ZGRF1: variants seen among roughly 807,000 people sequenced by gnomAD.
The protein encoded by ZGRF1 is 5'-3' DNA helicase ZGRF1.
Under a neutral mutation model 203.5 loss-of-function variants are expected in ZGRF1, and 196 were observed. The ratio of observed to expected loss-of-function variants is 0.96; its 90% CI spans 0.86 to 1.08. The LOEUF is 1.08. Among genes scored for constraint, ZGRF1 ranks in the 50% least tolerant of loss-of-function variants. ZGRF1 has a pLI of 0.00. For synonymous variants in ZGRF1, 809 were observed against 841.3 expected, an observed-to-expected ratio of 0.96 and a Z score of 0.66; for missense variants, 2,326 against 2,416.3, an observed-to-expected ratio of 0.96 and a Z score of 0.78.
chr4:112,625,719 A>C (rs940403701), intron 3 of ZGRF1, among the ~76,000 whole-genome samples: 4 of 151,884 alleles, frequency 2.6e-5, no homozygotes, highest in African/African-American at 9.7e-5. Context: ...CAACACGGAG[A>C]AACCCCGTCT....
intron 20 of ZGRF1, among the ~76,000 whole-genome samples, chr4:112,557,661 T>G (rs1211411678): frequency 6.6e-6 from 1 of 151,976 alleles, no homozygotes; most frequent in African/African-American, 2.4e-5. Flanking sequence ...GGTTGAGGAG[T>G]AGGGCAAGAA....
chr4:112,554,539 T>TCG (rs1345205679), intron 21 of ZGRF1, among the ~76,000 whole-genome samples, 166 bp downstream of exon 21: 1 of 152,124 alleles, frequency 6.6e-6, no homozygotes, highest in African/African-American at 2.4e-5. Flanking sequence ...GGGACATGGA[T>TCG]GAAGCTGGAA....
At chr4:112,583,727 C>A (rs1402611421) in intron 15 of ZGRF1, among the ~76,000 whole-genome samples, 1 of 151,864 alleles carries the variant, frequency 6.6e-6, no homozygotes, top group Non-Finnish European at 1.5e-5. Flanking sequence ...GAGCTTCAGC[C>A]CAGGAGTTGA....
chr4:112,558,383 A>T, intron 19 of ZGRF1, 74 bp from the exon 20 acceptor site: 2 of 1,267,928 alleles, frequency 1.6e-6, no homozygotes, highest in African/African-American at 1.6e-5. Flanking sequence ...CTTTTTCTTG[A>T]GACAGAGTCT....
chr4:112,629,876 AG>A, intron 3 of ZGRF1: 1 of 253,848 alleles, frequency 3.9e-6, no homozygotes. Flanking sequence ...AAAATTAGCC[AG>A]GCATGGTGGT....
At chr4:112,632,095 A>G (rs1464742934) in intron 2 of ZGRF1, 85 bp from the exon 3 acceptor site, 1 of 578,356 alleles carries the variant, frequency 1.7e-6, no homozygotes, top group Non-Finnish European at 2.6e-6. Flanking sequence ...TACATACAAA[A>G]TATATTTAAG....
intron 24 of ZGRF1, among the ~76,000 whole-genome samples, chr4:112,543,203 C>A (rs1199647470): frequency 6.6e-6 from 1 of 152,042 alleles, no homozygotes; most frequent in Non-Finnish European, 1.5e-5. Flanking sequence ...TAAAATATGA[C>A]ATATATAGCT....
chr4:112,633,110 C>G (rs781186051), intron 2 of ZGRF1, 46 bp downstream of exon 2: 1 of 1,556,628 alleles, frequency 6.4e-7, no homozygotes, highest in East Asian at 2.2e-5. Flanking sequence ...AAGAAAGAGA[C>G]AGAGGAAGGG....
intron 11 of ZGRF1, among the ~76,000 whole-genome samples, chr4:112,589,216 C>A (rs1747731972): frequency 6.6e-6 from 1 of 152,030 alleles, no homozygotes; most frequent in African/African-American, 2.4e-5. Flanking sequence ...GTATTATATT[C>A]ATCAAGAAGC....
At chr4:112,547,530 T>A (rs548378487) in intron 23 of ZGRF1, 122 bp from the exon 24 acceptor site, 2 of 851,032 alleles carry the variant, frequency 2.4e-6, no homozygotes, top group African/African-American at 1.7e-5. Context: ...TCCTGAGTAC[T>A]AATAAAGCTT....
At chr4:112,625,534 C>T (rs189636799) in intron 3 of ZGRF1, among the ~76,000 whole-genome samples, 3 of 138,742 alleles carry the variant, frequency 2.2e-5, no homozygotes, top group Admixed American at 7.8e-5. Context: ...TGCAGTAAGC[C>T]GAGATCGCGC....
intron 16 of ZGRF1, among the ~76,000 whole-genome samples, chr4:112,581,357 A>C (rs1346620532): frequency 6.6e-6 from 1 of 151,842 alleles, no homozygotes; most frequent in Non-Finnish European, 1.5e-5. Flanking sequence ...GCAGCACACC[A>C]ACATGGCACA....
intron 7 of ZGRF1, 117 bp from the exon 8 acceptor site, chr4:112,609,546 C>G: frequency 2.8e-6 from 1 of 363,478 alleles, no homozygotes; most frequent in Non-Finnish European, 5.3e-6. Flanking sequence ...TGGCTCACAC[C>G]TGTAATCCCA....
At chr4:112,542,428 C>CA (rs1737822776) in intron 24 of ZGRF1, among the ~76,000 whole-genome samples, 1 of 151,954 alleles carries the variant, frequency 6.6e-6, no homozygotes, top group Admixed American at 6.6e-5. Context: ...ATGCAAAGTT[C>CA]AAAAAGGCAA....
chr4:112,584,945 T>C (rs1220670107), intron 14 of ZGRF1, among the ~76,000 whole-genome samples: 1 of 152,252 alleles, frequency 6.6e-6, no homozygotes, highest in Non-Finnish European at 1.5e-5. Flanking sequence ...CCTCTGGCCT[T>C]ATCTGTTACT....
intron 10 of ZGRF1, among the ~76,000 whole-genome samples, chr4:112,599,554 T>TA (rs558887822): frequency 1.1e-3 from 141 of 127,842 alleles, no homozygotes; most frequent in East Asian, 1.6e-3. Flanking sequence ...ACCCTGTGTC[T>TA]AAAAAAAAAA....
At chr4:112,557,297 G>C (rs1741117013) in intron 20 of ZGRF1, among the ~76,000 whole-genome samples, 2 of 151,892 alleles carry the variant, frequency 1.3e-5, no homozygotes, top group African/African-American at 4.8e-5. Flanking sequence ...TCAGCCTCCT[G>C]AGTAGCTGGG....
At chr4:112,592,330 T>A (rs1002820102) in intron 10 of ZGRF1, among the ~76,000 whole-genome samples, 1 of 152,094 alleles carries the variant, frequency 6.6e-6, no homozygotes, top group Non-Finnish European at 1.5e-5. Flanking sequence ...ACTTCTGACC[T>A]CAGGTGATCC....
At chr4:112,573,613 A>ATTT (rs1744619053) in intron 16 of ZGRF1, among the ~76,000 whole-genome samples, 1 of 152,184 alleles carries the variant, frequency 6.6e-6, no homozygotes, top group Non-Finnish European at 1.5e-5. Flanking sequence ...AGTAGAAAAT[A>ATTT]TAGGTGAGTA....
Sources: allele counts gnomAD v4.1 joint callset (sites outside exome capture counted in the v4.1 genomes callset), GRCh38; gene constraint gnomAD v4.1.1; transcripts MANE v1.5; gene names NCBI Gene and HGNC (gene_info 2026-07-23, HGNC 2026-07-21).